Variants in SPAG16 observed in about 807,000 individuals in gnomAD.
SPAG16 encodes the protein sperm associated antigen 16.
In SPAG16, 86 loss-of-function variants were observed where a neutral mutation model predicts 80.4. The ratio of observed to expected loss-of-function variants is 1.07; its 90% CI spans 0.90 to 1.28. The LOEUF (loss-of-function observed/expected upper bound fraction) is 1.28, where lower values mean the gene tolerates loss of function less well. SPAG16 is among the 50% of genes most tolerant of loss of function. The probability of loss-of-function intolerance (pLI) is 0.00; values close to 1 mark genes in which losing one functional copy is unlikely to be tolerated. For synonymous variants in SPAG16, 294 were observed against 265.9 expected (o/e 1.11, Z -1.03); for missense variants, 870 against 765.3 (o/e 1.14, Z -1.61).
chr2:213,598,539 T>C (rs1290900657), intron 10 of SPAG16, among the ~76,000 whole-genome samples: 2 of 152,236 alleles, frequency 1.3e-5, no homozygotes, highest in Non-Finnish European at 2.9e-5. Flanking sequence ...TTGAAGACTG[T>C]GAAGCCAATT....
In SPAG16 at chr2:214,012,284, A is replaced by ATTT. The variant is rs1483720818; in HGVS notation, c.1401-1666_1401-1665insTTT. On this transcript the variant is annotated intron_variant, in intron 12 of 15. Coordinates refer to ENST00000331683, the MANE Select transcript of SPAG16 (RefSeq NM_024532.5). ...CATATATATATATATATATATATAT[A>ATTT]TATATTTTTTTTTTTTTTTTTTTTT... Among the ~76,000 whole-genome samples, 334 of 54,544 alleles carry ATTT rather than the reference A, an allele frequency of 6.1e-3. 9 individuals are homozygous for ATTT. The highest frequency in any genetic ancestry group is 8.5e-3 in the South Asian group (6 of 708). The allele number at this position is 54,544 out of a possible 152,430, so 35.8% of individuals were successfully genotyped here.
chr2:214,039,119 C>T (rs7565006), intron 13 of SPAG16, among the ~76,000 whole-genome samples: 35,657 of 151,906 alleles, frequency 0.23, 4,576 homozygotes, highest in Middle Eastern at 0.28. Context: ...AATCGCCACA[C>T]TGACTTCCAC....
intron 10 of SPAG16, among the ~76,000 whole-genome samples, chr2:213,662,966 A>G (rs2063478939): frequency 6.6e-6 from 1 of 152,138 alleles, no homozygotes; most frequent in Non-Finnish European, 1.5e-5. Context: ...TCAAGAATGT[A>G]TAAGACATAT....
At chr2:214,141,456 G>A (rs1476417643) in intron 14 of SPAG16, among the ~76,000 whole-genome samples, 1 of 139,734 alleles carries the variant, frequency 7.2e-6, no homozygotes, top group Non-Finnish European at 1.6e-5. Context: ...GACAGAGTGA[G>A]ACTCGGCCTC....
chr2:214,264,724 C>T (rs1270997686), intron 15 of SPAG16, among the ~76,000 whole-genome samples: 1 of 152,128 alleles, frequency 6.6e-6, no homozygotes, highest in Non-Finnish European at 1.5e-5. Context: ...CATTATATAA[C>T]ATACAGAATA....
At chr2:213,787,028 T>C (rs2070384943) in intron 10 of SPAG16, among the ~76,000 whole-genome samples, 1 of 152,104 alleles carries the variant, frequency 6.6e-6, no homozygotes. Flanking sequence ...CTAAGAAAAT[T>C]TACATAATCA....
intron 15 of SPAG16, among the ~76,000 whole-genome samples, chr2:214,351,127 C>T (rs35747291): frequency 0.19 from 28,341 of 151,900 alleles, 2,729 homozygotes; most frequent in East Asian, 0.32. Flanking sequence ...TATTGTAATC[C>T]TTCCGTGACT....
chr2:214,225,735 ATTTAC>A (rs1005014127), intron 15 of SPAG16, among the ~76,000 whole-genome samples: 4 of 152,140 alleles, frequency 2.6e-5, no homozygotes, highest in Admixed American at 1.3e-4. Context: ...ACATAAATAC[ATTTAC>A]TTTACTTATA....
intron 12 of SPAG16, among the ~76,000 whole-genome samples, chr2:213,949,465 C>T (rs936560113): frequency 1.1e-4 from 16 of 152,078 alleles, no homozygotes; most frequent in Admixed American, 9.2e-4. Context: ...CCGCGCTCGG[C>T]CTACAATAGT....
chr2:214,119,844 T>C (rs1426151680), intron 14 of SPAG16, among the ~76,000 whole-genome samples: 1 of 151,950 alleles, frequency 6.6e-6, no homozygotes, highest in Non-Finnish European at 1.5e-5. Context: ...GAAATGTCAT[T>C]ATTTTATTTT....
chr2:213,602,974 T>C (rs1003128363), intron 10 of SPAG16, among the ~76,000 whole-genome samples: 6 of 152,360 alleles, frequency 3.9e-5, no homozygotes, highest in African/African-American at 1.4e-4. Context: ...ATATTTGCAA[T>C]TGGTGCTAGT....
rs755824370 is a variant in SPAG16 at position 213,313,104 on chromosome 2, T to C, written c.398+2927T>C. On this transcript the variant is annotated intron_variant, in intron 4 of 15. Coordinates refer to ENST00000331683, the MANE Select transcript of SPAG16 (RefSeq NM_024532.5). ...ATAAGAATATTTTTTCCCCATTCAT[T>C]ATTAAGTTTAACACAGGAATGTAGT... Among the ~76,000 whole-genome samples the C allele has an allele frequency of 4.7e-4, 72 of 151,842 alleles. 1 individual carries two copies. Among genetic ancestry groups the C allele is most frequent in the Non-Finnish European group, 5.9e-5 (4 of 67,822 alleles).
chr2:213,863,926 T>C (rs1228922218), intron 11 of SPAG16, among the ~76,000 whole-genome samples: 2 of 152,292 alleles, frequency 1.3e-5, no homozygotes, highest in East Asian at 3.9e-4. Context: ...TACGGCAGAA[T>C]TGTAGTAAAA....
intron 9 of SPAG16, among the ~76,000 whole-genome samples, chr2:213,385,073 G>T (rs978673827): frequency 2.0e-5 from 3 of 152,142 alleles, no homozygotes; most frequent in Non-Finnish European, 4.4e-5. Flanking sequence ...CCACAACTGA[G>T]CTTCTCAATG....
At chr2:214,135,587 G>A (rs2125514306) in intron 14 of SPAG16, among the ~76,000 whole-genome samples, 1 of 152,272 alleles carries the variant, frequency 6.6e-6, no homozygotes, top group Non-Finnish European at 1.5e-5. Context: ...TGGGTCATGG[G>A]AGCAAATCTC....
At chr2:213,831,809 C>G (rs922715811) in intron 10 of SPAG16, among the ~76,000 whole-genome samples, 1 of 152,002 alleles carries the variant, frequency 6.6e-6, no homozygotes, top group South Asian at 2.1e-4. Flanking sequence ...ATTTAATCCT[C>G]TTAATCATAT....
At chr2:213,405,725 G>A (rs371225761) in intron 9 of SPAG16, among the ~76,000 whole-genome samples, 2 of 152,078 alleles carry the variant, frequency 1.3e-5, no homozygotes, top group South Asian at 2.1e-4. Context: ...GAGAATAAGC[G>A]ATATTTGTCC....
chr2:213,596,623 T>G lies in SPAG16; in HGVS notation c.1070+106533T>G, dbSNP rs567798292. Among the ~76,000 whole-genome samples the G allele has an allele frequency of 4.6e-5, 7 of 152,244 alleles. No individual in the cohort carries two copies. In the East Asian group the frequency reaches 1.2e-3, roughly 25 times the overall value. On this transcript the variant is annotated intron_variant, in intron 10 of 15. Coordinates refer to ENST00000331683, the MANE Select transcript of SPAG16 (RefSeq NM_024532.5). ...TACTTTATTTTGCCACTGGGGAAAT[T>G]ATAGTAAATTAAGATTAAGGATTCT...
rs1487378741 is a variant in SPAG16 at position 214,329,060 on chromosome 2, C to A, written c.1721-81080C>A. On this transcript the variant is annotated intron_variant, in intron 15 of 15. Coordinates refer to ENST00000331683, the MANE Select transcript of SPAG16 (RefSeq NM_024532.5). ...AGAATGTAACTTTGTAGCATCATAT[C>A]TTTGTGACAAAAAGAACAATAGCCA... is the stretch of plus-strand genomic sequence containing the variant. Among the ~76,000 whole-genome samples, 4 of 152,172 alleles carry A rather than the reference C, an allele frequency of 2.6e-5. No individual in the cohort carries two copies. In the East Asian group the frequency reaches 5.8e-4, roughly 22 times the overall value.
Sources: allele counts gnomAD v4.1 joint callset (sites outside exome capture counted in the v4.1 genomes callset), GRCh38; gene constraint gnomAD v4.1.1; transcripts MANE v1.5; gene names NCBI Gene and HGNC (gene_info 2026-07-23, HGNC 2026-07-21).